The following TRIP11 variants were observed in gnomAD, a reference collection of about 807,000 sequenced individuals.
The protein encoded by TRIP11 is thyroid hormone receptor interactor 11, also known as thyroid receptor-interacting protein 11.
TRIP11 carries 148 observed loss-of-function variants against 223.1 expected under a neutral mutation model. That is an observed-to-expected ratio of 0.66 (90% CI 0.58 to 0.76). TRIP11 has a LOEUF of 0.76. TRIP11 is among the 30% of genes least tolerant of loss of function. The pLI, the probability that TRIP11 is intolerant of heterozygous loss-of-function variation, is 0.00. For synonymous variants in TRIP11, 762 were observed against 772.6 expected, an observed-to-expected ratio of 0.99 and a Z score of 0.23; for missense variants, 2,043 against 2,222.0, an observed-to-expected ratio of 0.92 and a Z score of 1.62.
Position 91,968,494 on chromosome 14 carries a change from C to T in TRIP11, c.*1179G>A, listed in dbSNP as rs558744139. 15 of 215,948 alleles carry T rather than the reference C, an allele frequency of 6.9e-5. No individual in the cohort carries two copies. Among genetic ancestry groups the T allele is most frequent in the Admixed American group, 1.8e-4 (3 of 17,100 alleles). The allele number at this position is 215,948 out of a possible 1,614,324, so 13.4% of individuals were successfully genotyped here. On this transcript the variant is annotated 3_prime_UTR_variant, in exon 21 of 21. Transcript: ENST00000267622. Reference sequence around the variant, plus strand: ...GTACCTCATATGTCAACACCGCAGACGGAGGCAGGAAGTGGCATGTTCAGT... The same window carrying T: ...GTACCTCATATGTCAACACCGCAGATGGAGGCAGGAAGTGGCATGTTCAGT...
intron 11 of TRIP11, among the ~76,000 whole-genome samples, chr14:92,002,273 AAAT>A (rs1250722828): frequency 6.6e-6 from 1 of 152,198 alleles, no homozygotes; most frequent in African/African-American, 2.4e-5. Flanking sequence ...ATAAAAATTT[AAAT>A]ATTATCAAAA....
At chr14:91,985,586 T>C (rs1032476406) in intron 16 of TRIP11, among the ~76,000 whole-genome samples, 1 of 152,252 alleles carries the variant, frequency 6.6e-6, no homozygotes, top group Non-Finnish European at 1.5e-5. Flanking sequence ...TTCCTAATAT[T>C]GTTTAAATGC....
chr14:91,976,220 A>G (rs767875474), intron 16 of TRIP11, 31 bp from the exon 17 acceptor site: 13 of 1,574,678 alleles, frequency 8.3e-6, no homozygotes, highest in Middle Eastern at 2.0e-4. Context: ...AAAGATAGCC[A>G]TTAACTGATT....
At chr14:92,003,318 C>T in intron 11 of TRIP11, 101 bp downstream of exon 11, 1 of 1,474,748 alleles carries the variant, frequency 6.8e-7, no homozygotes, top group South Asian at 1.2e-5. Context: ...TCTAAATGAA[C>T]AAATGCACAG....
At chr14:92,033,328 T>C in intron 1 of TRIP11, 75 bp from the exon 2 acceptor site, 2 of 1,161,820 alleles carry the variant, frequency 1.7e-6, no homozygotes, top group Non-Finnish European at 2.6e-6. Flanking sequence ...TTCAAGAAAA[T>C]ATATTTCACT....
rs1555383822 is a variant in TRIP11 at position 91,979,272 on chromosome 14, A to AAAG, written c.5261-3084_5261-3083insCTT. Among the ~76,000 whole-genome samples the AAAG allele has an allele frequency of 4.5e-3, 683 of 150,122 alleles. 6 individuals are homozygous for AAAG. Among genetic ancestry groups the AAAG allele is most frequent in the African/African-American group, 0.016 (639 of 40,186 alleles). On this transcript the variant is annotated intron_variant, in intron 16 of 20. Transcript: ENST00000267622. ...ACCCTGTCTCCAAAAAAAAAAAAAAAAGAGAGAGAGAGAGAGAAAGTGAAA... is the reference window on the plus strand; with the variant it reads ...ACCCTGTCTCCAAAAAAAAAAAAAAAAAGAGAGAGAGAGAGAGAGAAAGTGAAA...
chr14:92,014,303 C>T lies in TRIP11; in HGVS notation c.1098G>A (p.Lys366=), dbSNP rs201503194. ...CCTTTTCTGTCATAGTATCACTTTG[C>T]TTCACAGCAGAAGGCTGCAATTTAC... ...ECSKLQPSAV[K]QSDTMTEKER... Residue 366 remains lysine (K), a synonymous_variant, in exon 7 of 21, where the codon AAG becomes AAA. Transcript: ENST00000267622. The T allele has an allele frequency of 1.1e-4, 182 of 1,614,098 alleles. No homozygotes were observed. In the East Asian group the frequency reaches 3.8e-3, roughly 34 times the overall value.
intron 15 of TRIP11, among the ~76,000 whole-genome samples, chr14:91,992,737 G>A (rs10142634): frequency 0.012 from 1,836 of 151,460 alleles, 40 homozygotes; most frequent in African/African-American, 0.041. Flanking sequence ...GTGAAACCTC[G>A]TCTCTACTAA....
At chr14:92,017,796 T>C (rs776596843) in intron 4 of TRIP11, 46 bp from the exon 5 acceptor site, 1 of 1,531,310 alleles carries the variant, frequency 6.5e-7, no homozygotes, top group Non-Finnish European at 9.0e-7. Context: ...CTGATTTTCT[T>C]GTCAACAGAA....
chr14:91,996,762 C>G (rs2056756634), intron 13 of TRIP11, among the ~76,000 whole-genome samples: 1 of 152,148 alleles, frequency 6.6e-6, no homozygotes, highest in African/African-American at 2.4e-5. Context: ...CAAAGGCTAT[C>G]CCACTGATGA....
At position 92,005,037 on chromosome 14, in the gene TRIP11, T is replaced by C. The variant is rs1484160663; in HGVS notation, c.2939A>G (p.His980Arg). 3.7e-6 allele frequency: 6 copies of C among 1,614,112 alleles called. No homozygotes were observed. Among genetic ancestry groups the C allele is most frequent in the East Asian group, 2.2e-5 (1 of 44,880 alleles). ...TGTTTGAATGTCCTGTCTTTCTTCA[T>C]GCAACTGGGTTTTGATTTGTTCAAT... Reference protein sequence around the residue: ...KTIEQIKTQLHEERQDIQTDN... With the variant: ...KTIEQIKTQLREERQDIQTDN... Residue 980 changes from histidine (H) to arginine (R), a missense_variant, in exon 11 of 21, where the codon CAT (histidine) becomes CGT (arginine). By Grantham distance (29) the His-to-Arg change is conservative. Transcript: ENST00000267622.
chr14:92,019,872 A>G (rs1427879819), intron 4 of TRIP11, among the ~76,000 whole-genome samples: 4 of 152,370 alleles, frequency 2.6e-5, no homozygotes, highest in Admixed American at 2.6e-4. Context: ...AATTACCTTC[A>G]CAAGTACCTA....
At chr14:91,971,943 A>G (rs1042568941) in intron 20 of TRIP11, among the ~76,000 whole-genome samples, 1 of 152,248 alleles carries the variant, frequency 6.6e-6, no homozygotes, top group Admixed American at 6.5e-5. Context: ...AGTATATAAC[A>G]TATACCTTTA....
chr14:92,033,054 CA>C, intron 2 of TRIP11, 137 bp downstream of exon 2: 2 of 677,944 alleles, frequency 3.0e-6, no homozygotes, highest in South Asian at 3.6e-5. Flanking sequence ...GATAAAAGCT[CA>C]AAAAACAATC....
chr14:92,021,174 C>T (rs1030026723), intron 4 of TRIP11, among the ~76,000 whole-genome samples: 1 of 151,632 alleles, frequency 6.6e-6, no homozygotes, highest in Admixed American at 6.6e-5. Context: ...GGGCAGATCA[C>T]CTAAGGTCAG....
intron 7 of TRIP11, among the ~76,000 whole-genome samples, chr14:92,013,530 C>T (rs2056999001): frequency 1.3e-5 from 2 of 152,120 alleles, no homozygotes. Flanking sequence ...AGAGAGCTGC[C>T]ATAGTTAACA....
chr14:91,990,963 A>G (rs1385359617), intron 15 of TRIP11, among the ~76,000 whole-genome samples: 2 of 152,248 alleles, frequency 1.3e-5, no homozygotes, highest in Non-Finnish European at 2.9e-5. Context: ...AATGGTCAAT[A>G]AACATATTAA....
intron 15 of TRIP11, among the ~76,000 whole-genome samples, chr14:91,988,633 TAAAAAAA>T (rs749287959): frequency 0.018 from 1,829 of 99,494 alleles, 29 homozygotes; most frequent in African/African-American, 0.063. Flanking sequence ...ATGACAGAAG[TAAAAAAA>T]AAAAAAAAAA....
chr14:91,994,258 CT>C (rs539125037), intron 14 of TRIP11, among the ~76,000 whole-genome samples: 4,188 of 127,414 alleles, frequency 0.033, 58 homozygotes, highest in African/African-American at 0.12. Flanking sequence ...ACCTCAAAAA[CT>C]TTTTTTTTTT....
Sources: gnomAD v4.1 joint callset for allele counts (sites outside exome capture counted in the v4.1 genomes callset) on GRCh38, gnomAD v4.1.1 for gene constraint, MANE v1.5 for transcripts, NCBI Gene and HGNC (gene_info 2026-07-23, HGNC 2026-07-21) for gene names.